SFRP1: variants seen among roughly 807,000 people sequenced by gnomAD.
The protein encoded by SFRP1 is secreted frizzled related protein 1.
In SFRP1, 9 loss-of-function variants were observed where a neutral mutation model predicts 25.9. The ratio of observed to expected loss-of-function variants is 0.35; its 90% CI spans 0.21 to 0.61. The LOEUF is 0.61. Ranked by LOEUF, SFRP1 falls within the 20% of genes least tolerant of loss-of-function variation. SFRP1 has a pLI of 0.78. For synonymous variants in SFRP1, 178 were observed against 174.0 expected (o/e 1.02, Z -0.18); for missense variants, 346 against 418.2 (o/e 0.83, Z 1.51).
At chr8:41,290,664 G>A (rs898684852) in intron 2 of SFRP1, among the ~76,000 whole-genome samples, 15 of 151,988 alleles carry the variant, frequency 9.9e-5, no homozygotes, top group South Asian at 6.2e-4. Flanking sequence ...GCCACCTCCC[G>A]AGGGCTCCTT....
chr8:41,279,805 C>T (rs1803612730), intron 2 of SFRP1, among the ~76,000 whole-genome samples: 1 of 150,252 alleles, frequency 6.7e-6, no homozygotes, highest in Non-Finnish European at 1.5e-5. Flanking sequence ...TGTCCAAAAT[C>T]CTTCATCCTC....
intron 2 of SFRP1, among the ~76,000 whole-genome samples, chr8:41,269,889 A>G (rs6996010): frequency 0.33 from 50,648 of 151,886 alleles, 8,814 homozygotes; most frequent in Middle Eastern, 0.38. Flanking sequence ...GACATACTAG[A>G]GAGCGCCTTC....
At chr8:41,284,605 G>A (rs1437041698) in intron 2 of SFRP1, among the ~76,000 whole-genome samples, 2 of 152,206 alleles carry the variant, frequency 1.3e-5, no homozygotes, top group African/African-American at 4.8e-5. Context: ...CAGGGCAGCA[G>A]CAAATGAAGT....
intron 1 of SFRP1, among the ~76,000 whole-genome samples, chr8:41,305,865 T>C (rs774709805): frequency 6.6e-6 from 1 of 152,180 alleles, no homozygotes; most frequent in Non-Finnish European, 1.5e-5. Context: ...CAATCTTCCC[T>C]GGCCAGTTCC....
Position 41,278,486 on chromosome 8 carries a change from T to C in SFRP1, c.623-12997A>G, listed in dbSNP as rs140411189. On this transcript the variant is annotated intron_variant, in intron 2 of 2. Transcript: ENST00000220772. ...ATTGAGATGGATCCGTTCATTTCAG[T>C]CTCCCTGCCTGCAATGGTGAGCTAC... Among the ~76,000 whole-genome samples the C allele has an allele frequency of 7.0e-3, 1,063 of 152,302 alleles. 14 individuals are homozygous for C. The highest frequency in any genetic ancestry group is 0.023 in the African/African-American group (960 of 41,560).
chr8:41,289,878 GC>G (rs1803754473), intron 2 of SFRP1, among the ~76,000 whole-genome samples: 1 of 152,236 alleles, frequency 6.6e-6, no homozygotes, highest in Non-Finnish European at 1.5e-5. Context: ...TAGTGGATTA[GC>G]AGCATGCTCT....
chr8:41,265,189 G>A lies in SFRP1; in HGVS notation c.923C>T (p.Thr308Ile). 7.2e-7 allele frequency: 1 copy of A among 1,396,886 alleles called. No homozygotes were observed. The allele number at this position is 1,396,886 out of a possible 1,614,324, so 86.5% of individuals were successfully genotyped here. ...GAATCACTTAAACACGGACTGAAAG[G>A]TGGGGCACTCATGGTTTTTCATTTT... ...MKKMKNHECP[T>I]FQSVFK is the part of the protein sequence containing the mutation. The change falls in exon 3 of 3, where the codon ACC becomes ATC. Residue 308 changes from threonine (T) to isoleucine (I), a missense_variant. By Grantham distance (89) the Thr-to-Ile change is moderately conservative. Coordinates refer to ENST00000220772, the MANE Select transcript of SFRP1 (RefSeq NM_003012.5).
intron 2 of SFRP1, among the ~76,000 whole-genome samples, chr8:41,291,927 G>A (rs1383941092): frequency 6.6e-6 from 1 of 152,156 alleles, no homozygotes; most frequent in Non-Finnish European, 1.5e-5. Flanking sequence ...CAGGCCCCAG[G>A]AGTGGGGACA....
At chr8:41,288,815 G>A (rs954543316) in intron 2 of SFRP1, among the ~76,000 whole-genome samples, 7 of 152,262 alleles carry the variant, frequency 4.6e-5, no homozygotes, top group Middle Eastern at 3.4e-3. Context: ...CCTATGCAGC[G>A]GAAGGGGCTC....
intron 2 of SFRP1, among the ~76,000 whole-genome samples, chr8:41,268,775 G>A (rs1046592971): frequency 6.6e-5 from 10 of 152,286 alleles, no homozygotes; most frequent in South Asian, 2.1e-4. Context: ...GATGCATCCC[G>A]GGGCTGCTGG....
At chr8:41,299,662 CAAAAAAAAA>C (rs61141419) in intron 2 of SFRP1, among the ~76,000 whole-genome samples, 2 of 66,368 alleles carry the variant, frequency 3.0e-5, no homozygotes, top group African/African-American at 6.8e-5. Flanking sequence ...GACTTAGTCT[CAAAAAAAAA>C]AAAAAAAAAA....
chr8:41,285,449 C>G (rs1374026356), intron 2 of SFRP1, among the ~76,000 whole-genome samples: 3 of 152,236 alleles, frequency 2.0e-5, no homozygotes, highest in Non-Finnish European at 4.4e-5. Flanking sequence ...CAAGCCACTC[C>G]CTACTTCCCT....
At chr8:41,277,474 A>G (rs1321494805) in intron 2 of SFRP1, among the ~76,000 whole-genome samples, 1 of 152,178 alleles carries the variant, frequency 6.6e-6, no homozygotes, top group Non-Finnish European at 1.5e-5. Context: ...GCTACAGAAA[A>G]GGCAAAAACT....
intron 2 of SFRP1, among the ~76,000 whole-genome samples, chr8:41,270,202 C>T (rs78502396): frequency 0.016 from 2,488 of 152,186 alleles, 79 homozygotes; most frequent in African/African-American, 0.056. Context: ...GGACTGAGTG[C>T]GAAGGAGCAC....
chr8:41,267,894 G>A (rs1452123711), intron 2 of SFRP1, among the ~76,000 whole-genome samples: 2 of 152,128 alleles, frequency 1.3e-5, no homozygotes, highest in Non-Finnish European at 2.9e-5. Flanking sequence ...AAGATCACAG[G>A]GAGGAGCTCA....
At chr8:41,300,263 T>C (rs1803898148) in intron 2 of SFRP1, among the ~76,000 whole-genome samples, 2 of 152,224 alleles carry the variant, frequency 1.3e-5, no homozygotes, top group African/African-American at 2.4e-5. Context: ...TCCTTCCTAT[T>C]TGACTAACCT....
chr8:41,302,569 C>T (rs1276876638), intron 2 of SFRP1, among the ~76,000 whole-genome samples: 2 of 152,230 alleles, frequency 1.3e-5, no homozygotes, highest in African/African-American at 4.8e-5. Flanking sequence ...TTCAGCATCA[C>T]ACTGAGTCTT....
chr8:41,302,529 C>T (rs1803936266), intron 2 of SFRP1, among the ~76,000 whole-genome samples: 1 of 152,192 alleles, frequency 6.6e-6, no homozygotes, highest in Non-Finnish European at 1.5e-5. Flanking sequence ...ATCTCAGGGA[C>T]ACAAGGCAGG....
intron 2 of SFRP1, among the ~76,000 whole-genome samples, chr8:41,275,792 G>T (rs1422407314): frequency 6.6e-6 from 1 of 152,200 alleles, no homozygotes; most frequent in Non-Finnish European, 1.5e-5. Flanking sequence ...TGTCGCCCAG[G>T]CTGGAGTGCA....
Sources: gnomAD v4.1 joint callset for allele counts (sites outside exome capture counted in the v4.1 genomes callset) on GRCh38, gnomAD v4.1.1 for gene constraint, MANE v1.5 for transcripts, NCBI Gene and HGNC (gene_info 2026-07-23, HGNC 2026-07-21) for gene names.